The following DAB1 variants were observed in gnomAD, a reference collection of about 807,000 sequenced individuals.
DAB1 encodes the protein DAB adaptor protein 1.
DAB1 carries 15 observed loss-of-function variants against 64.6 expected under a neutral mutation model. The observed-to-expected ratio is 0.23, with a 90% CI of 0.16 to 0.36. The LOEUF is 0.36. Among genes scored for constraint, DAB1 ranks in the 10% least tolerant of loss-of-function variants. DAB1 has a pLI of 1.00. For missense variants in DAB1, 596 were observed against 706.7 expected (o/e 0.84, Z 1.78); for synonymous variants, 235 against 251.9 (o/e 0.93, Z 0.64).
intron 5 of DAB1, among the ~76,000 whole-genome samples, chr1:57,985,431 C>A (rs964376386): frequency 6.6e-6 from 1 of 152,012 alleles, no homozygotes; most frequent in African/African-American, 2.4e-5. Context: ...AATCCTAACC[C>A]CCAAGGTTAT....
At chr1:58,403,297 C>CAA (rs34798695) in intron 3 of DAB1, among the ~76,000 whole-genome samples, 2,601 of 142,286 alleles carry the variant, frequency 0.018, 81 homozygotes, top group African/African-American at 0.061. Flanking sequence ...TTTTTGCAGC[C>CAA]AAAAAAAAAA....
intron 6 of DAB1, among the ~76,000 whole-genome samples, chr1:57,686,531 G>C (rs528111109): frequency 2.0e-5 from 3 of 152,206 alleles, no homozygotes; most frequent in South Asian, 2.1e-4. Flanking sequence ...AGGAGGAGGG[G>C]CTCCTCCCTA....
intron 6 of DAB1, among the ~76,000 whole-genome samples, chr1:57,756,613 T>C (rs1450090125): frequency 6.6e-6 from 1 of 151,870 alleles, no homozygotes; most frequent in Non-Finnish European, 1.5e-5. Flanking sequence ...GGAGAATAAA[T>C]TGAGATCAGT....
intron 3 of DAB1, among the ~76,000 whole-genome samples, chr1:58,461,648 G>C (rs1213140005): frequency 6.6e-6 from 1 of 152,158 alleles, no homozygotes; most frequent in East Asian, 1.9e-4. Flanking sequence ...CACATCAAAG[G>C]ATATGGAGCC....
At chr1:57,541,010 C>A (rs533703002) in intron 7 of DAB1, among the ~76,000 whole-genome samples, 3 of 152,096 alleles carry the variant, frequency 2.0e-5, no homozygotes, top group Non-Finnish European at 4.4e-5. Flanking sequence ...GATAAATGCT[C>A]GAGGCGATGG....
chr1:57,732,703 G>A (rs1391590777), intron 6 of DAB1, among the ~76,000 whole-genome samples: 1 of 152,172 alleles, frequency 6.6e-6, no homozygotes, highest in African/African-American at 2.4e-5. Flanking sequence ...GAGAAATGAG[G>A]CTGACTGCTG....
At chr1:58,525,032 T>A (rs1344627785) in intron 2 of DAB1, among the ~76,000 whole-genome samples, 1 of 152,210 alleles carries the variant, frequency 6.6e-6, no homozygotes, top group Non-Finnish European at 1.5e-5. Context: ...TTCTATGCAG[T>A]TATGATTTAA....
chr1:57,294,832 C>T (rs535510528), intron 1 of DAB1, among the ~76,000 whole-genome samples: 1 of 152,226 alleles, frequency 6.6e-6, no homozygotes, highest in Non-Finnish European at 1.5e-5. Flanking sequence ...TCAAAGCCCT[C>T]CCAGATTTCC....
At chr1:58,508,736 T>C (rs1430399429) in intron 2 of DAB1, among the ~76,000 whole-genome samples, 1 of 152,068 alleles carries the variant, frequency 6.6e-6, no homozygotes, top group Non-Finnish European at 1.5e-5. Context: ...AGTGATAATG[T>C]GACAGAAGTT....
intron 3 of DAB1, among the ~76,000 whole-genome samples, chr1:58,466,012 G>T (rs968000992): frequency 6.6e-6 from 1 of 152,094 alleles, no homozygotes; most frequent in Non-Finnish European, 1.5e-5. Flanking sequence ...GAGTGTGGTG[G>T]CCATGGAGAA....
intron 1 of DAB1, among the ~76,000 whole-genome samples, chr1:57,337,572 T>C (rs1025228561): frequency 6.6e-6 from 1 of 152,196 alleles, no homozygotes; most frequent in African/African-American, 2.4e-5. Flanking sequence ...TTTTTTTTCC[T>C]GAACACTTTA....
At chr1:58,085,629 A>T (rs541770348) in intron 5 of DAB1, among the ~76,000 whole-genome samples, 1 of 152,134 alleles carries the variant, frequency 6.6e-6, no homozygotes, top group Non-Finnish European at 1.5e-5. Context: ...CAGCCTCCCA[A>T]AGTGTTAGGG....
At chr1:57,138,136 C>T (rs972295262) in intron 3 of DAB1, among the ~76,000 whole-genome samples, 1 of 152,114 alleles carries the variant, frequency 6.6e-6, no homozygotes, top group Non-Finnish European at 1.5e-5. Flanking sequence ...GTTTCAGTTC[C>T]TGTTTAGACA....
At chr1:58,028,823 G>A (rs4556386) in intron 5 of DAB1, among the ~76,000 whole-genome samples, 1 of 152,102 alleles carries the variant, frequency 6.6e-6, no homozygotes, top group Admixed American at 6.6e-5. Flanking sequence ...AGGAATCTGA[G>A]GCTGAAAGAA....
At chr1:57,309,235 T>A (rs984578290) in intron 1 of DAB1, among the ~76,000 whole-genome samples, 2 of 152,178 alleles carry the variant, frequency 1.3e-5, no homozygotes, top group African/African-American at 4.8e-5. Flanking sequence ...AGTTACACAA[T>A]GAGTGAGTTA....
At chr1:58,122,355 ATAG>A (rs1373182941) in intron 5 of DAB1, among the ~76,000 whole-genome samples, 3 of 152,190 alleles carry the variant, frequency 2.0e-5, no homozygotes, top group African/African-American at 7.2e-5. Context: ...CTGTCTCAAA[ATAG>A]TAGGATGACT....
At chr1:58,054,083 G>GCTGA (rs1317251836) in intron 5 of DAB1, among the ~76,000 whole-genome samples, 1 of 152,224 alleles carries the variant, frequency 6.6e-6, no homozygotes, top group African/African-American at 2.4e-5. Context: ...TCAGCACTGT[G>GCTGA]CTGACTTCTT....
At chr1:57,480,274 C>T (rs1050693112) in intron 7 of DAB1, among the ~76,000 whole-genome samples, 8 of 152,006 alleles carry the variant, frequency 5.3e-5, no homozygotes, top group Non-Finnish European at 1.0e-4. Flanking sequence ...AAATGGGTAC[C>T]CAGGTTCAAG....
At position 57,907,389 on chromosome 1, in the gene DAB1, T is replaced by C. The variant is rs537651349; in HGVS notation, n.388-23227A>G. 5.3e-5 allele frequency among the ~76,000 whole-genome samples: 8 copies of C among 152,344 alleles called. No homozygotes were observed. The South Asian group carries it at 1.7e-3, about 32-fold the overall frequency. Reference sequence around the variant, plus strand: ...GGTAACCAGAAAACATTAGGTCTCCTGACCTGACTGTAAAGATGCTCCAAG... The same window carrying C: ...GGTAACCAGAAAACATTAGGTCTCCCGACCTGACTGTAAAGATGCTCCAAG... On this transcript the variant is annotated intron_variant and non_coding_transcript_variant, in intron 5 of 20. Coordinates refer to the DAB1 transcript ENST00000485760.
Sources: allele counts gnomAD v4.1 joint callset (sites outside exome capture counted in the v4.1 genomes callset), GRCh38; gene constraint gnomAD v4.1.1; transcripts MANE v1.5; gene names NCBI Gene and HGNC (gene_info 2026-07-23, HGNC 2026-07-21).